Variants in GARS1 observed in about 807,000 individuals in gnomAD.
GARS1 encodes glycine--tRNA ligase.
A neutral mutation model predicts 86.4 loss-of-function variants in GARS1; 46 were observed. That is an observed-to-expected ratio of 0.53 (90% CI 0.42 to 0.68). The LOEUF is 0.68. Among genes scored for constraint, GARS1 ranks in the 30% least tolerant of loss-of-function variants. The pLI, the probability that GARS1 is intolerant of heterozygous loss-of-function variation, is 0.00. For missense variants in GARS1, 797 were observed against 915.6 expected, an observed-to-expected ratio of 0.87 and a Z score of 1.67; for synonymous variants, 342 against 329.8, an observed-to-expected ratio of 1.04 and a Z score of -0.40.
intron 10 of GARS1, among the ~76,000 whole-genome samples, chr7:30,619,776 C>CT (rs61613428): frequency 0.035 from 4,391 of 124,266 alleles, 288 homozygotes; most frequent in African/African-American, 0.11. Context: ...TTCTTTTTTT[C>CT]TTTTTTTTTT....
At chr7:30,599,214 T>C (rs1283814298) in intron 2 of GARS1, among the ~76,000 whole-genome samples, 1 of 152,176 alleles carries the variant, frequency 6.6e-6, no homozygotes, top group Non-Finnish European at 1.5e-5. Context: ...ATGATTTTTG[T>C]TTGTTTGTTT....
chr7:30,606,036 CAT>C (rs1335419284), intron 6 of GARS1, among the ~76,000 whole-genome samples: 1 of 152,096 alleles, frequency 6.6e-6, no homozygotes, highest in African/African-American at 2.4e-5. Flanking sequence ...GAAGCTGAGT[CAT>C]TTGTTCCTTA....
At position 30,609,743 on chromosome 7, in the gene GARS1, T is replaced by A. The variant is rs1216105998; in HGVS notation, c.881+13T>A. The A allele has an allele frequency of 6.2e-7, 1 of 1,612,800 alleles. No homozygotes were observed. The highest frequency in any genetic ancestry group is 1.3e-5 in the African/African-American group (1 of 75,018). ...GAAACATGCCTGGGTATGTATCACT[T>A]ATTGTTTACCTGTTTATGTAATGAA... On this transcript the variant is annotated intron_variant, in intron 7 of 16. Coordinates refer to ENST00000389266, the MANE Select transcript of GARS1 (RefSeq NM_002047.4).
intron 13 of GARS1, 133 bp downstream of exon 13, chr7:30,626,452 C>T: frequency 1.5e-6 from 1 of 670,226 alleles, no homozygotes; most frequent in East Asian, 2.8e-5. Flanking sequence ...CTCAAGCGTT[C>T]CTCCCTCCTG....
At chr7:30,594,849 A>C, upstream of GARS1, 2 of 1,333,118 alleles carry the variant, frequency 1.5e-6, no homozygotes, top group South Asian at 1.3e-5. Flanking sequence ...CGGCGATTTC[A>C]TCATGCTCCG....
chr7:30,614,065 G>T (rs1011208448), intron 8 of GARS1, among the ~76,000 whole-genome samples: 4 of 152,142 alleles, frequency 2.6e-5, no homozygotes, highest in African/African-American at 9.7e-5. Context: ...TCAGAATTCT[G>T]ATGATTCCTG....
intron 10 of GARS1, among the ~76,000 whole-genome samples, chr7:30,620,130 A>G (rs904958928): frequency 2.6e-4 from 2 of 7,736 alleles, no homozygotes; most frequent in African/African-American, 2.3e-3. Context: ...ATCAAGGGCA[A>G]AAAAAAAAAA....
intron 12 of GARS1, among the ~76,000 whole-genome samples, chr7:30,623,758 C>T (rs1489530835): frequency 2.6e-5 from 4 of 152,138 alleles, no homozygotes; most frequent in Non-Finnish European, 5.9e-5. Flanking sequence ...AAGATGACCA[C>T]ATGAAGACCC....
chr7:30,614,605 G>A (rs1044385325), intron 8 of GARS1, among the ~76,000 whole-genome samples: 1 of 152,212 alleles, frequency 6.6e-6, no homozygotes, highest in Non-Finnish European at 1.5e-5. Flanking sequence ...GCCGGGCGCA[G>A]TGGCTCACGC....
chr7:30,612,136 T>G lies in GARS1; in HGVS notation c.922T>G (p.Phe308Val). The change falls in exon 8 of 17, where the codon TTC becomes GTC. Residue 308 changes from phenylalanine to valine, a missense_variant. Transcript: ENST00000389266. ...AACTGCACAGGGGATTTTCTTGAATTTCAAACGACTTTTGGAGTTCAACCA... is the reference window on the plus strand; with the variant it reads ...AACTGCACAGGGGATTTTCTTGAATGTCAAACGACTTTTGGAGTTCAACCA... The part of the protein sequence containing the change: ...PETAQGIFLN[F>V]KRLLEFNQGK... 6.2e-7 allele frequency: 1 copy of G among 1,614,142 alleles called. No individual in the cohort carries two copies. Among genetic ancestry groups the G allele is most frequent in the Non-Finnish European group, 8.5e-7 (1 of 1,180,010 alleles).
rs1791562484 is a variant in GARS1 at position 30,609,875 on chromosome 7, G to A, written c.881+145G>A. 13 of 682,478 alleles carry A rather than the reference G, an allele frequency of 1.9e-5. No individual in the cohort carries two copies. In the Admixed American group the frequency reaches 3.2e-4, roughly 17 times the overall value. The allele number at this position is 682,478 out of a possible 1,614,324, so 42.3% of individuals were successfully genotyped here. A position where few individuals can be genotyped will look rare whatever the true frequency, so the allele number is the denominator to read the frequency against. The stretch of plus-strand genomic sequence containing the variant: ...GATGAATGTATTATGGAGAAATAAT[G>A]GCAGAAATAAATCTTTTAAAAAATT... On this transcript the variant is annotated intron_variant, in intron 7 of 16. Coordinates refer to ENST00000389266, the MANE Select transcript of GARS1 (RefSeq NM_002047.4).
chr7:30,605,941 A>G (rs1791474923), intron 6 of GARS1, among the ~76,000 whole-genome samples: 2 of 152,170 alleles, frequency 1.3e-5, no homozygotes, highest in South Asian at 4.2e-4. Context: ...TGATAGGTTG[A>G]TATGTTTCTT....
intron 8 of GARS1, among the ~76,000 whole-genome samples, chr7:30,615,290 C>T (rs2128134396): frequency 2.0e-5 from 3 of 152,314 alleles, no homozygotes; most frequent in East Asian, 3.9e-4. Flanking sequence ...AATCAAACTG[C>T]TATGAAAGCT....
At chr7:30,622,649 A>T in intron 12 of GARS1, 187 bp downstream of exon 12, 2 of 649,540 alleles carry the variant, frequency 3.1e-6, no homozygotes, top group Non-Finnish European at 2.6e-6. Flanking sequence ...AATAGAATAT[A>T]CTTTTTTTTT....
chr7:30,614,976 A>G (rs188821033), intron 8 of GARS1, among the ~76,000 whole-genome samples: 3 of 152,340 alleles, frequency 2.0e-5, no homozygotes, highest in Admixed American at 6.5e-5. Context: ...TGAGATAATC[A>G]TGGAAGCACA....
intron 10 of GARS1, among the ~76,000 whole-genome samples, chr7:30,619,782 T>C (rs1392787569): frequency 3.6e-5 from 5 of 139,192 alleles, no homozygotes; most frequent in South Asian, 2.2e-4. Context: ...TTTTCTTTTT[T>C]TTTTTTTTTT....
At chr7:30,625,592 C>G (rs1783113548) in intron 12 of GARS1, among the ~76,000 whole-genome samples, 1 of 152,180 alleles carries the variant, frequency 6.6e-6, no homozygotes, top group African/African-American at 2.4e-5. Flanking sequence ...ACAGGTATTA[C>G]ATGAAGCTCT....
chr7:30,630,517 CTTTTT>C (rs758530758), intron 14 of GARS1, among the ~76,000 whole-genome samples: 1 of 131,016 alleles, frequency 7.6e-6, no homozygotes, highest in African/African-American at 2.8e-5. Context: ...TTATTTTCGC[CTTTTT>C]TTTTTTTTTT....
chr7:30,596,187 C>T (rs1001415154), intron 1 of GARS1, among the ~76,000 whole-genome samples: 1 of 152,158 alleles, frequency 6.6e-6, no homozygotes, highest in Non-Finnish European at 1.5e-5. Context: ...AGGGTGGAAC[C>T]CTATCTCGGA....
Sources: gnomAD v4.1 joint callset for allele counts (sites outside exome capture counted in the v4.1 genomes callset) on GRCh38, gnomAD v4.1.1 for gene constraint, MANE v1.5 for transcripts, NCBI Gene and HGNC (gene_info 2026-07-23, HGNC 2026-07-21) for gene names.